Variants in BACE2 observed in about 807,000 individuals in gnomAD.
BACE2 encodes the protein beta-secretase 2, also known as 56 kDa aspartic-like protease.
A neutral mutation model predicts 46.2 loss-of-function variants in BACE2; 17 were observed. That is an observed-to-expected ratio of 0.37 (90% CI 0.25 to 0.55). BACE2 has a LOEUF of 0.55. Ranked by LOEUF, BACE2 falls within the 20% of genes least tolerant of loss-of-function variation. The pLI is 0.82. For synonymous variants in BACE2, 277 were observed against 295.9 expected (o/e 0.94, Z 0.66); for missense variants, 595 against 698.1 (o/e 0.85, Z 1.66).
At chr21:41,210,637 A>G (rs987299257) in intron 1 of BACE2, among the ~76,000 whole-genome samples, 27 of 152,192 alleles carry the variant, frequency 1.8e-4, no homozygotes, top group African/African-American at 6.5e-4. Context: ...CGGATTGGGC[A>G]GGAGACTGAC....
At chr21:41,262,377 G>A (rs1046009706) in intron 8 of BACE2, among the ~76,000 whole-genome samples, 1 of 152,092 alleles carries the variant, frequency 6.6e-6, no homozygotes, top group Non-Finnish European at 1.5e-5. Context: ...CTACTTCTGA[G>A]CATTCTGTTC....
intron 8 of BACE2, among the ~76,000 whole-genome samples, chr21:41,264,645 G>C (rs374074396): frequency 8.5e-5 from 13 of 152,148 alleles, no homozygotes; most frequent in Non-Finnish European, 1.6e-4. Flanking sequence ...TATCTTGTGA[G>C]AACTCTATCA....
At chr21:41,227,271 G>GT (rs1236886902) in intron 2 of BACE2, among the ~76,000 whole-genome samples, 12 of 152,322 alleles carry the variant, frequency 7.9e-5, no homozygotes, top group African/African-American at 2.9e-4. Context: ...ATGCTGGTTT[G>GT]TTTTTTAGGG....
chr21:41,169,656 A>G (rs1334296408), intron 1 of BACE2, among the ~76,000 whole-genome samples: 1 of 152,234 alleles, frequency 6.6e-6, no homozygotes, highest in Non-Finnish European at 1.5e-5. Context: ...AATTCTCATT[A>G]AATTATTCAA....
chr21:41,215,356 C>T (rs1048351597), intron 1 of BACE2, among the ~76,000 whole-genome samples: 1 of 152,178 alleles, frequency 6.6e-6, no homozygotes, highest in African/African-American at 2.4e-5. Context: ...TTTTCAAGGG[C>T]AGGTCCTGGT....
At chr21:41,230,758 G>A (rs960775981) in intron 2 of BACE2, among the ~76,000 whole-genome samples, 1 of 152,112 alleles carries the variant, frequency 6.6e-6, no homozygotes, top group Non-Finnish European at 1.5e-5. Context: ...TTAGTCATTT[G>A]TGAGCTCGTC....
chr21:41,263,168 G>A (rs922956793), intron 8 of BACE2, among the ~76,000 whole-genome samples: 2 of 152,086 alleles, frequency 1.3e-5, no homozygotes, highest in Non-Finnish European at 1.5e-5. Context: ...AAAGTATTCA[G>A]TATGAATGGA....
intron 1 of BACE2, chr21:41,179,673 G>A (rs1358872551): frequency 5.2e-6 from 7 of 1,339,746 alleles, no homozygotes; most frequent in Non-Finnish European, 7.0e-6. Flanking sequence ...GTAGAACAAA[G>A]GCCTTACAAA....
chr21:41,266,882 A>G (rs201887906), intron 8 of BACE2, among the ~76,000 whole-genome samples: 32 of 152,076 alleles, frequency 2.1e-4, no homozygotes, highest in East Asian at 7.7e-4. Flanking sequence ...AAGAGGTTCT[A>G]CCTTCACACC....
chr21:41,262,573 T>G (rs1265900807), intron 8 of BACE2, among the ~76,000 whole-genome samples: 1 of 152,168 alleles, frequency 6.6e-6, no homozygotes, highest in Non-Finnish European at 1.5e-5. Flanking sequence ...GGATTTCTAT[T>G]AGAACTGCAT....
At chr21:41,216,360 C>G (rs1323201874) in intron 1 of BACE2, among the ~76,000 whole-genome samples, 2 of 152,236 alleles carry the variant, frequency 1.3e-5, no homozygotes, top group Non-Finnish European at 2.9e-5. Context: ...GCTCCAGGAA[C>G]GACCATCGTG....
intron 1 of BACE2, among the ~76,000 whole-genome samples, chr21:41,198,687 G>A (rs911175538): frequency 6.6e-6 from 1 of 152,088 alleles, no homozygotes; most frequent in Non-Finnish European, 1.5e-5. Context: ...ACACCCACTC[G>A]AGTTTCAGCA....
At chr21:41,233,750 C>T (rs1987030816) in intron 2 of BACE2, among the ~76,000 whole-genome samples, 1 of 152,216 alleles carries the variant, frequency 6.6e-6, no homozygotes, top group South Asian at 2.1e-4. Context: ...CACCTGAGTT[C>T]AGGAGTTTGA....
intron 8 of BACE2, among the ~76,000 whole-genome samples, chr21:41,273,695 C>T (rs1186606318): frequency 6.6e-6 from 1 of 152,032 alleles, no homozygotes; most frequent in Non-Finnish European, 1.5e-5. Flanking sequence ...ACATTCTCAG[C>T]TTAGGAAGAT....
chr21:41,260,893 T>C (rs1046345023), intron 8 of BACE2, among the ~76,000 whole-genome samples: 1 of 152,220 alleles, frequency 6.6e-6, no homozygotes, highest in Non-Finnish European at 1.5e-5. Flanking sequence ...TTGGTTTATT[T>C]TTTTTTATTT....
chr21:41,214,530 T>A lies in BACE2; in HGVS notation c.313-11736T>A, dbSNP rs147511764. On this transcript the variant is annotated intron_variant, in intron 1 of 8. Coordinates refer to ENST00000330333, the MANE Select transcript of BACE2 (RefSeq NM_012105.5). ...CGTGGGGGCATAGAATTTTCACACA[T>A]CTTCTGGAATAGATCATCTAAACTC... Among the ~76,000 whole-genome samples, 617 of 152,330 alleles carry A rather than the reference T, an allele frequency of 4.1e-3. 35 individuals are homozygous for A. In the East Asian group the frequency reaches 0.1, roughly 25 times the overall value.
intron 1 of BACE2, among the ~76,000 whole-genome samples, chr21:41,214,560 A>C (rs1255717733): frequency 6.6e-6 from 1 of 152,120 alleles, no homozygotes; most frequent in Admixed American, 6.5e-5. Context: ...AAACTCTTTT[A>C]CTCTCAGATT....
chr21:41,217,748 G>A (rs1453616409), intron 1 of BACE2, among the ~76,000 whole-genome samples: 2 of 152,274 alleles, frequency 1.3e-5, no homozygotes, highest in Non-Finnish European at 1.5e-5. Flanking sequence ...TGCAAAGAAG[G>A]TGTCACAGAG....
intron 3 of BACE2, among the ~76,000 whole-genome samples, chr21:41,241,114 G>A (rs1333692892): frequency 6.6e-6 from 1 of 152,164 alleles, no homozygotes; most frequent in Admixed American, 6.5e-5. Context: ...CCTCACAGCT[G>A]TTTACGGACC....
Sources: gnomAD v4.1 joint callset for allele counts (sites outside exome capture counted in the v4.1 genomes callset) on GRCh38, gnomAD v4.1.1 for gene constraint, MANE v1.5 for transcripts, NCBI Gene and HGNC (gene_info 2026-07-23, HGNC 2026-07-21) for gene names.